MYOF: variants seen among roughly 807,000 people sequenced by gnomAD.
MYOF encodes the protein fer-1-like 3, myoferlin.
Under a neutral mutation model 284.2 loss-of-function variants are expected in MYOF, and 244 were observed. That is an observed-to-expected ratio of 0.86 (90% CI 0.77 to 0.95). The LOEUF (loss-of-function observed/expected upper bound fraction) is 0.95. Ranked by LOEUF, MYOF falls within the 40% of genes least tolerant of loss-of-function variation. The pLI, the probability that MYOF is intolerant of heterozygous loss-of-function variation, is 0.00. For missense variants in MYOF, 2,496 were observed against 2,560.6 expected (o/e 0.97, Z 0.54); for synonymous variants, 904 against 919.7 (o/e 0.98, Z 0.31).
intron 39 of MYOF, among the ~76,000 whole-genome samples, chr10:93,338,162 A>G (rs1284578150): frequency 4.6e-5 from 7 of 151,556 alleles, no homozygotes; most frequent in Non-Finnish European, 8.8e-5. Flanking sequence ...ATCATACTAG[A>G]TAATGTTCTT....
Position 93,434,653 on chromosome 10 carries a change from A to G in MYOF, c.237-3137T>C, listed in dbSNP as rs144415313. 2.4e-3 allele frequency among the ~76,000 whole-genome samples: 359 copies of G among 152,208 alleles called. 2 individuals are homozygous for G. The highest frequency in any genetic ancestry group is 8.4e-3 in the African/African-American group (350 of 41,512). The stretch of plus-strand genomic sequence containing the variant: ...AACTTCTACATGTTACAAAACCATA[A>G]TTTATTGTTATTATTTTTTTCTCAA... On this transcript the variant is annotated intron_variant, in intron 3 of 53. Transcript: ENST00000359263.
At chr10:93,329,610 A>G (rs1843212960) in intron 44 of MYOF, 54 bp downstream of exon 44, 1 of 1,595,622 alleles carries the variant, frequency 6.3e-7, no homozygotes, top group Non-Finnish European at 8.6e-7. Flanking sequence ...AGGCCTCCCC[A>G]GGTGCCAATG....
rs1355024500 is a variant in MYOF at position 93,307,308 on chromosome 10, T to TA, written c.6148-308_6148-307insT. Among the ~76,000 whole-genome samples, 3 of 151,882 alleles carry TA rather than the reference T, an allele frequency of 2.0e-5. 1 individual carries two copies. Among genetic ancestry groups the TA allele is most frequent in the Admixed American group, 2.0e-4 (3 of 15,260 alleles). On this transcript the variant is annotated intron_variant, in intron 53 of 53. Coordinates refer to ENST00000359263, the MANE Select transcript of MYOF (RefSeq NM_013451.4). The stretch of plus-strand genomic sequence containing the variant: ...ACTGGTTTATTTTTATTTTTATTTT[T>TA]TTTTTGAGATGGAGTCTTGCTCTGT...
rs765424830 is a variant in MYOF at position 93,396,132 on chromosome 10, A to C, written c.1417+10T>G. The C allele has an allele frequency of 6.3e-7, 1 of 1,596,926 alleles. No individual in the cohort carries two copies. The highest frequency in any genetic ancestry group is 1.1e-5 in the South Asian group (1 of 89,584). On this transcript the variant is annotated intron_variant, in intron 16 of 53. Coordinates refer to ENST00000359263, the MANE Select transcript of MYOF (RefSeq NM_013451.4). ...ATCCAGTCTTGTTCTAGATCTGTTG[A>C]GTGACTTACCTTCCACTTCCCCACC...
chr10:93,457,084 T>C (rs2056762707), intron 1 of MYOF, 147 bp from the exon 2 acceptor site: 1 of 598,774 alleles, frequency 1.7e-6, no homozygotes, highest in Non-Finnish European at 2.9e-6. Context: ...TTTACCTGAA[T>C]CACAGTTTTC....
intron 21 of MYOF, among the ~76,000 whole-genome samples, chr10:93,377,674 A>G (rs916024641): frequency 3.9e-5 from 6 of 152,194 alleles, no homozygotes; most frequent in Admixed American, 1.3e-4. Flanking sequence ...CTTTTGGAAC[A>G]CAGTATTTTG....
intron 1 of MYOF, among the ~76,000 whole-genome samples, chr10:93,459,458 C>T (rs759709753): frequency 6.6e-6 from 1 of 152,204 alleles, no homozygotes; most frequent in Admixed American, 6.5e-5. Context: ...TAAACATGGT[C>T]ATTCCCATTT....
chr10:93,327,495 C>T (rs112066274), intron 45 of MYOF, among the ~76,000 whole-genome samples: 1 of 152,096 alleles, frequency 6.6e-6, no homozygotes, highest in Non-Finnish European at 1.5e-5. Flanking sequence ...CCCCGCAAAA[C>T]TGTGAGGAAA....
chr10:93,369,799 T>C, intron 24 of MYOF, 23 bp from the exon 25 acceptor site: 3 of 1,613,902 alleles, frequency 1.9e-6, no homozygotes, highest in Non-Finnish European at 1.7e-6. Flanking sequence ...CAATAGCATG[T>C]GATGTTACAT....
At chr10:93,458,717 G>A (rs912745491) in intron 1 of MYOF, among the ~76,000 whole-genome samples, 1 of 152,184 alleles carries the variant, frequency 6.6e-6, no homozygotes, top group Non-Finnish European at 1.5e-5. Context: ...AGGATAGAGC[G>A]AGACTCAGTC....
At chr10:93,349,775 C>T (rs768326602) in intron 36 of MYOF, 33 bp downstream of exon 36, 85 of 1,610,796 alleles carry the variant, frequency 5.3e-5, no homozygotes, top group South Asian at 1.3e-4. Flanking sequence ...TATTTCAACG[C>T]GCATGGGTGA....
chr10:93,461,114 A>C (rs2056870820), intron 1 of MYOF, among the ~76,000 whole-genome samples: 1 of 151,970 alleles, frequency 6.6e-6, no homozygotes, highest in African/African-American at 2.4e-5. Context: ...AAGAAAAGAA[A>C]TAGCACAAAG....
intron 45 of MYOF, among the ~76,000 whole-genome samples, chr10:93,328,138 C>T (rs1459774276): frequency 1.3e-5 from 2 of 152,122 alleles, no homozygotes; most frequent in Non-Finnish European, 1.5e-5. Context: ...TTCCTGTGCA[C>T]GTTTGTTCAG....
chr10:93,478,160 T>G, intron 1 of MYOF: 1 of 277,174 alleles, frequency 3.6e-6, no homozygotes, highest in Non-Finnish European at 7.1e-6. Flanking sequence ...TTATTTAAAA[T>G]TAAAAAGTTT....
intron 39 of MYOF, among the ~76,000 whole-genome samples, chr10:93,339,457 C>T (rs976094858): frequency 6.6e-6 from 1 of 151,812 alleles, no homozygotes; most frequent in Non-Finnish European, 1.5e-5. Flanking sequence ...GCAACCTACA[C>T]ATGGATTTAG....
At chr10:93,474,062 G>T (rs2057206886) in intron 1 of MYOF, among the ~76,000 whole-genome samples, 3 of 152,136 alleles carry the variant, frequency 2.0e-5, no homozygotes, top group Admixed American at 2.0e-4. Flanking sequence ...AGTACAGTGT[G>T]AGGAAGGATG....
chr10:93,333,795 C>CGAACAATGTAAATCCTAA lies in MYOF; in HGVS notation c.4664_4681dup (p.Val1560_Arg1561insLeuArgIleTyrIleVal). On this transcript the variant is annotated inframe_insertion, in exon 42 of 54. Coordinates refer to ENST00000359263, the MANE Select transcript of MYOF (RefSeq NM_013451.4). ...GTCCTGGGGCTGGAGCTCTAAGCCT[C>CGAACAATGTAAATCCTAA]GAACAATGTAAATCCTAACCGTGCA... 1 of 1,614,168 alleles carries CGAACAATGTAAATCCTAA rather than the reference C, an allele frequency of 6.2e-7. No homozygotes were observed.
intron 10 of MYOF, 89 bp from the exon 11 acceptor site, chr10:93,402,436 T>G (rs936567292): frequency 2.8e-6 from 3 of 1,063,654 alleles, no homozygotes; most frequent in Non-Finnish European, 4.3e-6. Flanking sequence ...AAGCTGCATT[T>G]TCTTGGAAGC....
intron 22 of MYOF, 112 bp from the exon 23 acceptor site, chr10:93,375,067 C>T (rs1845773180): frequency 9.6e-6 from 10 of 1,046,994 alleles, no homozygotes; most frequent in Non-Finnish European, 1.2e-5. Context: ...ACCACATCAA[C>T]CTCCTAACTG....
Sources: allele counts gnomAD v4.1 joint callset (sites outside exome capture counted in the v4.1 genomes callset), GRCh38; gene constraint gnomAD v4.1.1; transcripts MANE v1.5; gene names NCBI Gene and HGNC (gene_info 2026-07-23, HGNC 2026-07-21).